The following MTMR9 variants were observed in gnomAD, a reference collection of about 807,000 sequenced individuals.
MTMR9 encodes myotubularin-related protein 9.
MTMR9 carries 39 observed loss-of-function variants against 69.5 expected under a neutral mutation model. The observed-to-expected ratio is 0.56, with a 90% CI of 0.43 to 0.73. The LOEUF (loss-of-function observed/expected upper bound fraction) is 0.73, where lower values mean the gene tolerates loss of function less well. MTMR9 is among the 30% of genes least tolerant of loss of function. The pLI is 0.00. For synonymous variants in MTMR9, 354 were observed against 240.8 expected (o/e 1.47, Z -4.35); for missense variants, 900 against 671.2 (o/e 1.34, Z -3.77).
chr8:11,288,234 T>C (rs1313346975), intron 1 of MTMR9, among the ~76,000 whole-genome samples: 1 of 126,166 alleles, frequency 7.9e-6, no homozygotes, highest in Admixed American at 8.4e-5. Flanking sequence ...TTATAATATA[T>C]AATAATAATA....
Position 11,322,757 on chromosome 8 carries a change from A to G in MTMR9, c.1619A>G (p.Glu540Gly), listed in dbSNP as rs758985229. 30 of 1,613,926 alleles carry G rather than the reference A, an allele frequency of 1.9e-5. No homozygotes were observed. The South Asian group carries it at 3.2e-4, about 17-fold the overall frequency. The part of the protein sequence containing the change: ...NILRRQLAEL[E>G]TEDGMQESP Reference sequence around the variant, plus strand: ...CTTCGAAGGCAGTTGGCAGAACTGGAAACAGAGGACGGGATGCAGGAGAGT... The same window carrying G: ...CTTCGAAGGCAGTTGGCAGAACTGGGAACAGAGGACGGGATGCAGGAGAGT... The change falls in exon 10 of 10, where the codon GAA becomes GGA. Residue 540 changes from glutamate (E) to glycine (G), a missense_variant. Transcript: ENST00000221086.
the MTMR9 span, among the ~76,000 whole-genome samples, chr8:11,338,772 C>T: frequency 6.6e-6 from 1 of 152,198 alleles, no homozygotes; most frequent in African/African-American, 2.4e-5. Context: ...GACCCAGAGT[C>T]TGTGGATTGA....
At chr8:11,330,863 C>G (rs1801187841), downstream of MTMR9, 1 of 722,564 alleles carries the variant, frequency 1.4e-6, no homozygotes, top group Non-Finnish European at 2.2e-6. Context: ...CACTATTGTC[C>G]TATGACCCTG....
Position 11,315,082 on chromosome 8 carries a change from A to G in MTMR9, c.1113+18A>G. 6.2e-7 allele frequency: 1 copy of G among 1,608,440 alleles called. No individual in the cohort carries two copies. Among genetic ancestry groups the G allele is most frequent in the South Asian group, 1.1e-5 (1 of 90,884 alleles). On this transcript the variant is annotated intron_variant, in intron 7 of 9. Coordinates refer to ENST00000221086, the MANE Select transcript of MTMR9 (RefSeq NM_015458.4). ...GGCTGCAGGTGAGAAGAGCTGTTTG[A>G]TTCACAGAGGAACTGCTTATTGATG...
intron 2 of MTMR9, among the ~76,000 whole-genome samples, chr8:11,299,811 G>T (rs1799688277): frequency 8.8e-6 from 1 of 114,246 alleles, no homozygotes; most frequent in African/African-American, 3.5e-5. Context: ...TTGAGTGTGT[G>T]TTATGTGGCA....
downstream of MTMR9, chr8:11,331,317 G>C: frequency 6.2e-7 from 1 of 1,613,954 alleles, no homozygotes; most frequent in East Asian, 2.2e-5. Flanking sequence ...GCCCTCGCTG[G>C]AGCTGCTCAT....
chr8:11,308,199 A>G (rs1800045144), intron 5 of MTMR9, among the ~76,000 whole-genome samples: 1 of 152,152 alleles, frequency 6.6e-6, no homozygotes, highest in Non-Finnish European at 1.5e-5. Flanking sequence ...TCTTTAATCT[A>G]CTTTGAGTTG....
chr8:11,292,216 A>T (rs1047249447), intron 1 of MTMR9, among the ~76,000 whole-genome samples: 2 of 152,170 alleles, frequency 1.3e-5, no homozygotes, highest in African/African-American at 4.8e-5. Flanking sequence ...AGTATTCCAT[A>T]GTTCATTTAT....
chr8:11,308,935 G>A (rs1477117028), intron 5 of MTMR9, among the ~76,000 whole-genome samples: 1 of 152,164 alleles, frequency 6.6e-6, no homozygotes, highest in African/African-American at 2.4e-5. Context: ...TAGATCAGCA[G>A]TTGCTACACT....
Position 11,319,673 on chromosome 8 carries a change from T to C in MTMR9, c.1335-14T>C. The C allele has an allele frequency of 6.2e-7, 1 of 1,612,916 alleles. No individual in the cohort carries two copies. The highest frequency in any genetic ancestry group is 1.3e-5 in the African/African-American group (1 of 75,010). On this transcript the variant is annotated splice_polypyrimidine_tract_variant and intron_variant, in intron 8 of 9. Transcript: ENST00000221086. ...AAATTAATTACTTTAATGGCAGTGTTCTTTCTTGATCAGATGTAAGTTGAA... is the reference window on the plus strand; with the variant it reads ...AAATTAATTACTTTAATGGCAGTGTCCTTTCTTGATCAGATGTAAGTTGAA...
chr8:11,336,834 C>T, the MTMR9 span, among the ~76,000 whole-genome samples: 1 of 152,180 alleles, frequency 6.6e-6, no homozygotes. Flanking sequence ...GCATTCTGGA[C>T]TTGCTCAAGC....
chr8:11,321,396 G>C (rs1466113828), intron 9 of MTMR9: 1 of 456,186 alleles, frequency 2.2e-6, no homozygotes, highest in Non-Finnish European at 4.4e-6. Context: ...TAAAGCCACT[G>C]TCACATTTAA....
chr8:11,315,627 A>G (rs1247750485), intron 7 of MTMR9, among the ~76,000 whole-genome samples: 1 of 152,246 alleles, frequency 6.6e-6, no homozygotes. Context: ...AAATGCTTAC[A>G]TATCTTGAAA....
At position 11,295,771 on chromosome 8, in the gene MTMR9, A is replaced by G. The variant is rs4141831; in HGVS notation, c.291+469A>G. On this transcript the variant is annotated intron_variant, in intron 2 of 9. Coordinates refer to ENST00000221086, the MANE Select transcript of MTMR9 (RefSeq NM_015458.4). ...TCTTTCCTTTACTTGAGGTTTGTTC[A>G]AGTAAAATCTTATATGGAATTGTAA... Among the ~76,000 whole-genome samples, 2,368 of 152,334 alleles carry G rather than the reference A, an allele frequency of 0.016. 95 individuals carry two copies. In the East Asian group the frequency reaches 0.16, roughly 10 times the overall value.
At chr8:11,296,807 G>A (rs1000520417) in intron 2 of MTMR9, among the ~76,000 whole-genome samples, 2 of 152,154 alleles carry the variant, frequency 1.3e-5, no homozygotes, top group African/African-American at 4.8e-5. Context: ...TGTCACCAGT[G>A]ATTATAGTTT....
rs556073803 is a variant in MTMR9 at position 11,310,193 on chromosome 8, G to A, written c.971+505G>A. ...GGATCTCAAGTTGAGAACACCTAGT[G>A]GTAGTGATGTTGAGTATATGAAGTG... On this transcript the variant is annotated intron_variant, in intron 6 of 9. Transcript: ENST00000221086. 2.0e-5 allele frequency among the ~76,000 whole-genome samples: 3 copies of A among 152,272 alleles called. No individual in the cohort carries two copies. The East Asian group carries it at 5.8e-4, about 29-fold the overall frequency.
downstream of MTMR9, chr8:11,331,910 A>G (rs559115812): frequency 6.2e-7 from 1 of 1,611,914 alleles, no homozygotes; most frequent in East Asian, 2.2e-5. Context: ...TCTCCTTCAC[A>G]TGTGTGGGCT....
At chr8:11,321,619 C>T in intron 9 of MTMR9, 1 of 405,458 alleles carries the variant, frequency 2.5e-6, no homozygotes, top group Non-Finnish European at 5.0e-6. Context: ...AGAAGAAGCT[C>T]TCTATTAGGT....
rs1022506471 is a variant in MTMR9, at chr8:11,295,846, G to A, written c.291+544G>A. On this transcript the variant is annotated intron_variant, in intron 2 of 9. Coordinates refer to ENST00000221086, the MANE Select transcript of MTMR9 (RefSeq NM_015458.4). ...ATTGCTTTTAGTCACATTACAGTGA[G>A]TAGGTAGGGACTGGGGGGACCTAGA... Among the ~76,000 whole-genome samples, 8 of 152,152 alleles carry A rather than the reference G, an allele frequency of 5.3e-5. 1 individual carries two copies. The South Asian group carries it at 1.7e-3, about 32-fold the overall frequency.
Sources: allele counts gnomAD v4.1 joint callset (sites outside exome capture counted in the v4.1 genomes callset), GRCh38; gene constraint gnomAD v4.1.1; transcripts MANE v1.5; gene names NCBI Gene and HGNC (gene_info 2026-07-23, HGNC 2026-07-21).